The following C12orf42 variants were observed in gnomAD, a reference collection of about 807,000 sequenced individuals.
C12orf42 encodes the protein uncharacterized protein C12orf42.
A neutral mutation model predicts 21.6 loss-of-function variants in C12orf42; 25 were observed. That is an observed-to-expected ratio of 1.16 (90% CI 0.84 to 1.62). C12orf42 has a LOEUF of 1.62. Among genes scored for constraint, C12orf42 ranks in the 40% most tolerant of loss-of-function variants. C12orf42 has a pLI of 0.00. For synonymous variants in C12orf42, 174 were observed against 175.0 expected, an observed-to-expected ratio of 0.99 and a Z score of 0.05; for missense variants, 483 against 459.3, an observed-to-expected ratio of 1.05 and a Z score of -0.47.
At chr12:103,125,948 G>A in the C12orf42 span, among the ~76,000 whole-genome samples, 6 of 152,148 alleles carry the variant, frequency 3.9e-5, no homozygotes, top group East Asian at 5.8e-4. Context: ...CAGCACCTTC[G>A]GATGTAAGTT....
At chr12:103,416,180 T>C (rs1454672213) in intron 2 of C12orf42, among the ~76,000 whole-genome samples, 1 of 151,942 alleles carries the variant, frequency 6.6e-6, no homozygotes, top group African/African-American at 2.4e-5. Context: ...TGTAGGGGTA[T>C]GCACATTTTC....
the C12orf42 span, chr12:103,559,739 A>G: frequency 6.6e-6 from 1 of 152,374 alleles, no homozygotes; most frequent in Non-Finnish European, 1.5e-5. Flanking sequence ...CACTGTTGGC[A>G]TCACCACCAC....
chr12:103,143,568 T>C, the C12orf42 span, among the ~76,000 whole-genome samples: 8 of 152,322 alleles, frequency 5.3e-5, no homozygotes, highest in African/African-American at 1.7e-4. Context: ...GCTGGGATTG[T>C]TTTTGCAGAC....
chr12:103,546,687 CA>C, the C12orf42 span, among the ~76,000 whole-genome samples: 2 of 152,148 alleles, frequency 1.3e-5, no homozygotes, highest in African/African-American at 4.8e-5. Flanking sequence ...CTATATTTTC[CA>C]ACTGAATGAC....
At chr12:103,393,535 G>T (rs1471076253) in intron 3 of C12orf42, among the ~76,000 whole-genome samples, 2 of 152,046 alleles carry the variant, frequency 1.3e-5, no homozygotes, top group African/African-American at 4.8e-5. Context: ...TGCAAATAAG[G>T]CTCTTATATG....
the C12orf42 span, among the ~76,000 whole-genome samples, chr12:103,175,923 G>A: frequency 6.6e-6 from 1 of 152,138 alleles, no homozygotes; most frequent in African/African-American, 2.4e-5. Flanking sequence ...CCATGATTAA[G>A]CTTTGACCTC....
chr12:103,371,804 T>C (rs2137971235), intron 3 of C12orf42, among the ~76,000 whole-genome samples: 1 of 152,256 alleles, frequency 6.6e-6, no homozygotes, highest in South Asian at 2.1e-4. Flanking sequence ...CTATACAAGC[T>C]AGGGCAACTT....
chr12:103,415,858 G>C (rs1047102391), intron 2 of C12orf42, among the ~76,000 whole-genome samples: 1 of 152,158 alleles, frequency 6.6e-6, no homozygotes, highest in Non-Finnish European at 1.5e-5. Context: ...GTGTTTTCTT[G>C]TGGAGACAGG....
intron 4 of C12orf42, among the ~76,000 whole-genome samples, chr12:103,343,397 A>G (rs2042327582): frequency 6.6e-6 from 1 of 152,194 alleles, no homozygotes; most frequent in African/African-American, 2.4e-5. Context: ...TTTCATTTCA[A>G]AAAGAATATT....
At chr12:103,185,984 T>C in the C12orf42 span, among the ~76,000 whole-genome samples, 1 of 152,188 alleles carries the variant, frequency 6.6e-6, no homozygotes, top group South Asian at 2.1e-4. Context: ...GCCAAAACCT[T>C]CTATTTGGCC....
At chr12:103,327,844 A>G (rs1157053868) in intron 4 of C12orf42, among the ~76,000 whole-genome samples, 5 of 152,246 alleles carry the variant, frequency 3.3e-5, no homozygotes, top group Admixed American at 6.5e-5. Flanking sequence ...GAAATTCAGT[A>G]TCTGGGAAAG....
At chr12:103,089,353 T>C in the C12orf42 span, among the ~76,000 whole-genome samples, 1 of 152,154 alleles carries the variant, frequency 6.6e-6, no homozygotes, top group Non-Finnish European at 1.5e-5. Context: ...TTTGAGGCAA[T>C]TCATTTGCAG....
At chr12:103,061,425 C>A in the C12orf42 span, among the ~76,000 whole-genome samples, 10 of 151,904 alleles carry the variant, frequency 6.6e-5, no homozygotes, top group Non-Finnish European at 1.5e-4. Flanking sequence ...TCTTTAATAT[C>A]CTTAAGGACT....
intron 1 of C12orf42, among the ~76,000 whole-genome samples, chr12:103,488,786 G>T (rs935636152): frequency 6.6e-6 from 1 of 152,106 alleles, no homozygotes; most frequent in African/African-American, 2.4e-5. Flanking sequence ...TCATGCCATG[G>T]TTTTCAGCTC....
intron 10 of C12orf42, among the ~76,000 whole-genome samples, chr12:103,242,150 T>G (rs1385053368): frequency 3.3e-5 from 5 of 152,180 alleles, no homozygotes; most frequent in Admixed American, 6.5e-5. Context: ...AATCTTTTCT[T>G]GTCTAAGAGA....
chr12:103,462,840 AT>A lies in C12orf42; in HGVS notation c.78+15508del, dbSNP rs532120211. On this transcript the variant is annotated intron_variant, in intron 2 of 5. Coordinates refer to ENST00000548883, the MANE Select transcript of C12orf42 (RefSeq NM_198521.5). The stretch of plus-strand genomic sequence containing the variant: ...TATCTGTGGAGAATAATAATAATGC[AT>A]TCACATCTTTTGTTTTTCACTTCCC... Among the ~76,000 whole-genome samples, 349 of 152,324 alleles carry A rather than the reference AT, an allele frequency of 2.3e-3. 3 individuals carry two copies. Among genetic ancestry groups the A allele is most frequent in the African/African-American group, 8.0e-3 (331 of 41,576 alleles).
the C12orf42 span, among the ~76,000 whole-genome samples, chr12:103,170,058 C>T: frequency 6.6e-6 from 1 of 152,068 alleles, no homozygotes; most frequent in Non-Finnish European, 1.5e-5. Context: ...GGCAAGACAC[C>T]AGTGTAGTAC....
intron 2 of C12orf42, among the ~76,000 whole-genome samples, chr12:103,454,217 G>A (rs565182957): frequency 7.2e-5 from 11 of 152,172 alleles, no homozygotes; most frequent in African/African-American, 2.6e-4. Context: ...AGGAGAGGAA[G>A]TCTATAGTTT....
chr12:103,437,889 C>T (rs1313928052), intron 2 of C12orf42, among the ~76,000 whole-genome samples: 2 of 144,388 alleles, frequency 1.4e-5, no homozygotes, highest in African/African-American at 2.6e-5. Flanking sequence ...AGAGGGAATC[C>T]TCCCTAATTC....
Sources: allele counts gnomAD v4.1 joint callset (sites outside exome capture counted in the v4.1 genomes callset), GRCh38; gene constraint gnomAD v4.1.1; transcripts MANE v1.5; gene names NCBI Gene and HGNC (gene_info 2026-07-23, HGNC 2026-07-21).